EXOC6: variants seen among roughly 807,000 people sequenced by gnomAD.
EXOC6 encodes SEC15-like 1.
EXOC6 carries 60 observed loss-of-function variants against 112.5 expected under a neutral mutation model. The ratio of observed to expected loss-of-function variants is 0.53; its 90% CI spans 0.43 to 0.66. The LOEUF is 0.66. Among genes scored for constraint, EXOC6 ranks in the 30% least tolerant of loss-of-function variants. EXOC6 has a pLI of 0.00. For synonymous variants in EXOC6, 295 were observed against 308.0 expected (o/e 0.96, Z 0.44); for missense variants, 855 against 957.1 (o/e 0.89, Z 1.41).
chr10:93,054,476 A>G (rs958127144), intron 20 of EXOC6, among the ~76,000 whole-genome samples: 4 of 152,246 alleles, frequency 2.6e-5, no homozygotes, highest in African/African-American at 9.6e-5. Context: ...ATGAAAGCAT[A>G]TAGATTTGTC....
At chr10:93,056,812 G>C in intron 20 of EXOC6, 112 bp from the exon 21 acceptor site, 1 of 639,848 alleles carries the variant, frequency 1.6e-6, no homozygotes, top group South Asian at 2.0e-5. Flanking sequence ...TCCGTATTCT[G>C]TTCCATCTAA....
chr10:92,948,452 A>C (rs1853169635), intron 14 of EXOC6, 73 bp downstream of exon 14: 2 of 878,314 alleles, frequency 2.3e-6, no homozygotes, highest in Non-Finnish European at 3.4e-6. Context: ...ATAATATTAA[A>C]TATTAAGCTG....
At chr10:93,018,655 A>C (rs1844649831) in intron 20 of EXOC6, among the ~76,000 whole-genome samples, 1 of 152,044 alleles carries the variant, frequency 6.6e-6, no homozygotes, top group African/African-American at 2.4e-5. Context: ...ATAAAACTCA[A>C]ATATAATGTG....
At chr10:92,909,205 A>G (rs1406547282) in intron 5 of EXOC6, among the ~76,000 whole-genome samples, 1 of 151,940 alleles carries the variant, frequency 6.6e-6, no homozygotes, top group Non-Finnish European at 1.5e-5. Context: ...GTGAAAAAAG[A>G]AGTTTTACAT....
chr10:92,997,370 A>G lies in EXOC6; in HGVS notation c.1954-104A>G, dbSNP rs967731904. On this transcript the variant is annotated intron_variant, in intron 18 of 21. Coordinates refer to ENST00000260762, the MANE Select transcript of EXOC6 (RefSeq NM_019053.6). ...GAAAGTAACCACTATTGTACCAAGC[A>G]TAAGCAACAAAAAGAATGCCAGGTG... 143 of 1,086,168 alleles carry G rather than the reference A, an allele frequency of 1.3e-4. 1 individual carries two copies. In the East Asian group the frequency reaches 3.7e-3, roughly 28 times the overall value. 67.3% of individuals were successfully genotyped at this position (1,086,168 alleles called of 1,614,324 possible).
At chr10:92,930,255 C>T (rs535126247) in intron 9 of EXOC6, among the ~76,000 whole-genome samples, 9 of 152,284 alleles carry the variant, frequency 5.9e-5, no homozygotes, top group Middle Eastern at 6.8e-3. Context: ...GTAATCCCAG[C>T]GCTTTGGGAG....
intron 20 of EXOC6, among the ~76,000 whole-genome samples, chr10:93,026,105 T>C (rs1845013111): frequency 6.6e-6 from 1 of 152,236 alleles, no homozygotes; most frequent in Non-Finnish European, 1.5e-5. Flanking sequence ...TAGTTTACCC[T>C]TGTACAAATA....
intron 14 of EXOC6, among the ~76,000 whole-genome samples, chr10:92,948,810 G>A (rs914026238): frequency 1.8e-5 from 1 of 55,218 alleles, no homozygotes; most frequent in Non-Finnish European, 2.8e-5. Flanking sequence ...TATCACTGTG[G>A]AAGATTTAAA....
intron 12 of EXOC6, among the ~76,000 whole-genome samples, chr10:92,938,643 CTTTA>C (rs1459979862): frequency 6.6e-6 from 1 of 152,074 alleles, no homozygotes; most frequent in East Asian, 1.9e-4. Flanking sequence ...TTATTGATTC[CTTTA>C]TTAACATTTT....
intron 18 of EXOC6, among the ~76,000 whole-genome samples, chr10:92,975,059 G>C (rs1237427332): frequency 6.6e-6 from 1 of 151,548 alleles, no homozygotes; most frequent in Non-Finnish European, 1.5e-5. Context: ...CCTCTGCCTG[G>C]CTGCCCAGTC....
At chr10:93,049,629 C>T (rs1846185442) in intron 20 of EXOC6, among the ~76,000 whole-genome samples, 1 of 152,096 alleles carries the variant, frequency 6.6e-6, no homozygotes, top group Non-Finnish European at 1.5e-5. Flanking sequence ...CTCTGCTGCC[C>T]ATCCTGGAGT....
intron 19 of EXOC6, among the ~76,000 whole-genome samples, chr10:92,999,555 C>T (rs889589585): frequency 1.6e-4 from 25 of 152,108 alleles, no homozygotes; most frequent in African/African-American, 5.3e-4. Context: ...CACAGTTTTG[C>T]TTTCTGCAGT....
At chr10:92,976,036 G>T (rs1256894546) in intron 18 of EXOC6, among the ~76,000 whole-genome samples, 5 of 63,886 alleles carry the variant, frequency 7.8e-5, no homozygotes, top group African/African-American at 4.4e-4. Context: ...GCCGCGTCCG[G>T]GAGGGAGGTG....
chr10:92,925,349 C>T (rs1261803202), intron 8 of EXOC6, among the ~76,000 whole-genome samples: 1 of 151,652 alleles, frequency 6.6e-6, no homozygotes, highest in Non-Finnish European at 1.5e-5. Context: ...GGCTGGAGTG[C>T]AGTGGTGTAA....
At position 92,948,348 on chromosome 10, in the gene EXOC6, A is replaced by C. The variant is rs1853163298; in HGVS notation, c.1385A>C (p.Lys462Thr). ...GAAGAATATAAAATTGTCATCAGCA[A>C]ATTTCCCTTTCAAGATCCAGACCTT... Reference protein sequence around the residue: ...NEEEYKIVISKFPFQDPDLEK... With the variant: ...NEEEYKIVISTFPFQDPDLEK... Residue 462 changes from lysine (K) to threonine (T), a missense_variant, in exon 14 of 22, where the codon AAA becomes ACA. This residue lies in a region of EXOC6 where 450 missense variants were observed against 563.5 expected (regional missense o/e 0.80). Coordinates refer to ENST00000260762, the MANE Select transcript of EXOC6 (RefSeq NM_019053.6). 1 of 1,606,398 alleles carries C rather than the reference A, an allele frequency of 6.2e-7. No homozygotes were observed. Among genetic ancestry groups the C allele is most frequent in the African/African-American group, 1.3e-5 (1 of 74,494 alleles).
At chr10:93,010,428 G>A (rs747577953) in intron 19 of EXOC6, among the ~76,000 whole-genome samples, 1 of 152,160 alleles carries the variant, frequency 6.6e-6, no homozygotes, top group Non-Finnish European at 1.5e-5. Context: ...ACTCAGCTGG[G>A]TGTGGTGGCT....
chr10:92,849,168 C>T (rs61860812), intron 1 of EXOC6, among the ~76,000 whole-genome samples: 1,681 of 152,214 alleles, frequency 0.011, 18 homozygotes, highest in Non-Finnish European at 0.016. Context: ...TCCCCCTACT[C>T]CCCCGCGCGG....
intron 2 of EXOC6, among the ~76,000 whole-genome samples, chr10:92,894,387 A>G (rs895803396): frequency 1.3e-5 from 2 of 152,204 alleles, no homozygotes; most frequent in Non-Finnish European, 2.9e-5. Flanking sequence ...CAGTGTTTGC[A>G]TTCAGCAAAG....
chr10:92,948,814 A>AT (rs34150616), intron 14 of EXOC6, among the ~76,000 whole-genome samples: 119,139 of 152,050 alleles, frequency 0.78, 47,952 homozygotes, highest in East Asian at 1. Flanking sequence ...ACTGTGGAAG[A>AT]TTTAAAAGAA....
Sources: gnomAD v4.1 joint callset for allele counts (sites outside exome capture counted in the v4.1 genomes callset) on GRCh38, gnomAD v4.1.1 for gene constraint, gnomAD v4.1.1 regional missense constraint, MANE v1.5 for transcripts, NCBI Gene and HGNC (gene_info 2026-07-23, HGNC 2026-07-21) for gene names.